Variants in CSMD3 observed in about 807,000 individuals in gnomAD.
CSMD3 encodes the protein CUB and sushi domain-containing protein 3.
A neutral mutation model predicts 435.2 loss-of-function variants in CSMD3; 177 were observed. That is an observed-to-expected ratio of 0.41 (90% CI 0.36 to 0.46). The LOEUF is 0.46. Ranked by LOEUF, CSMD3 falls within the 20% of genes least tolerant of loss-of-function variation. The probability of loss-of-function intolerance (pLI) is 0.34; values close to 1 mark genes in which losing one functional copy is unlikely to be tolerated. For missense variants in CSMD3, 4,265 were observed against 4,504.6 expected, an observed-to-expected ratio of 0.95 and a Z score of 1.52; for synonymous variants, 1,656 against 1,520.5, an observed-to-expected ratio of 1.09 and a Z score of -2.07.
At chr8:112,624,865 G>A (rs1050548596) in intron 22 of CSMD3, among the ~76,000 whole-genome samples, 1 of 151,814 alleles carries the variant, frequency 6.6e-6, no homozygotes, top group African/African-American at 2.4e-5. Flanking sequence ...ACTCACAAAT[G>A]AGATGCCCAT....
At chr8:113,175,960 G>T (rs1461397812) in intron 3 of CSMD3, among the ~76,000 whole-genome samples, 1 of 152,002 alleles carries the variant, frequency 6.6e-6, no homozygotes, top group Non-Finnish European at 1.5e-5. Flanking sequence ...ATAGTTTTTG[G>T]ACTCCAAATT....
At chr8:113,294,452 G>A (rs545388841) in intron 2 of CSMD3, among the ~76,000 whole-genome samples, 6 of 152,102 alleles carry the variant, frequency 3.9e-5, no homozygotes, top group Admixed American at 1.3e-4. Context: ...TAAATTTCTC[G>A]TTAAAGGCCA....
At chr8:112,526,306 C>T (rs1246141957) in intron 27 of CSMD3, among the ~76,000 whole-genome samples, 1 of 151,922 alleles carries the variant, frequency 6.6e-6, no homozygotes, top group East Asian at 1.9e-4. Context: ...CCAAACCTTT[C>T]TAGGACTTAT....
At chr8:112,887,927 T>C (rs2081657395) in intron 10 of CSMD3, among the ~76,000 whole-genome samples, 2 of 151,718 alleles carry the variant, frequency 1.3e-5, no homozygotes, top group African/African-American at 2.4e-5. Flanking sequence ...AATGCCTTCC[T>C]GGGTGGGAAG....
intron 37 of CSMD3, 67 bp downstream of exon 37, chr8:112,383,500 G>A: frequency 1.2e-6 from 1 of 867,490 alleles, no homozygotes; most frequent in Non-Finnish European, 1.9e-6. Context: ...GTTGTAGATA[G>A]CTCTTTAATT....
At chr8:112,929,232 T>TG (rs1413471309) in intron 9 of CSMD3, among the ~76,000 whole-genome samples, 2 of 87,036 alleles carry the variant, frequency 2.3e-5, no homozygotes, top group Non-Finnish European at 4.3e-5. Context: ...TCCCATGGGG[T>TG]GGGGGGAGGG....
At chr8:112,787,210 T>C (rs1227926110) in intron 13 of CSMD3, among the ~76,000 whole-genome samples, 1 of 152,134 alleles carries the variant, frequency 6.6e-6, no homozygotes, top group African/African-American at 2.4e-5. Flanking sequence ...GCATGTGTCT[T>C]TATAGTAGAA....
intron 3 of CSMD3, among the ~76,000 whole-genome samples, chr8:113,268,144 T>C (rs2093487638): frequency 6.6e-6 from 1 of 151,744 alleles, no homozygotes; most frequent in Admixed American, 6.6e-5. Context: ...TTAAAAGGAT[T>C]CTATATTACA....
chr8:112,468,888 A>C (rs1352656156), intron 32 of CSMD3, among the ~76,000 whole-genome samples: 1 of 152,084 alleles, frequency 6.6e-6, no homozygotes, highest in Non-Finnish European at 1.5e-5. Context: ...AACAAGTAGA[A>C]TCCTGCAGGA....
chr8:112,796,650 C>T (rs7004983), intron 13 of CSMD3, among the ~76,000 whole-genome samples: 126,179 of 151,904 alleles, frequency 0.83, 52,532 homozygotes, highest in East Asian at 0.91. Context: ...CTGATTAATA[C>T]GCATTTGGAA....
chr8:112,350,717 T>C (rs1826064573), intron 40 of CSMD3, among the ~76,000 whole-genome samples: 1 of 152,046 alleles, frequency 6.6e-6, no homozygotes, highest in Admixed American at 6.5e-5. Context: ...AGTACCCAAG[T>C]TTCCTTTTAA....
At chr8:112,814,877 A>G (rs1587374651) in intron 12 of CSMD3, among the ~76,000 whole-genome samples, 2 of 152,164 alleles carry the variant, frequency 1.3e-5, no homozygotes, top group East Asian at 3.9e-4. Flanking sequence ...CTGACTTTCT[A>G]TAATCACTCA....
At chr8:112,828,120 A>G (rs2079754154) in intron 12 of CSMD3, among the ~76,000 whole-genome samples, 1 of 152,230 alleles carries the variant, frequency 6.6e-6, no homozygotes, top group Non-Finnish European at 1.5e-5. Context: ...TATCAGGTAT[A>G]AAACTACAAT....
chr8:112,696,319 A>G (rs9650046), intron 13 of CSMD3, among the ~76,000 whole-genome samples: 57,398 of 151,850 alleles, frequency 0.38, 12,194 homozygotes, highest in African/African-American at 0.58. Context: ...ACCTGACTTC[A>G]AACTATACTA....
intron 13 of CSMD3, among the ~76,000 whole-genome samples, chr8:112,774,898 G>T (rs1172028775): frequency 6.6e-6 from 1 of 151,904 alleles, no homozygotes; most frequent in African/African-American, 2.4e-5. Flanking sequence ...TTCCTCTGAT[G>T]ACTTCCTAAG....
At chr8:113,107,036 T>C (rs146351196) in intron 4 of CSMD3, among the ~76,000 whole-genome samples, 345 of 152,340 alleles carry the variant, frequency 2.3e-3, no homozygotes, top group African/African-American at 7.8e-3. Context: ...AATTCACCTA[T>C]GCTCCCTTCC....
chr8:113,167,902 G>T (rs1475686209), intron 4 of CSMD3, among the ~76,000 whole-genome samples: 1 of 152,176 alleles, frequency 6.6e-6, no homozygotes, highest in African/African-American at 2.4e-5. Context: ...AAATAATATT[G>T]CTCAGATACT....
chr8:112,664,126 A>G (rs905510840), intron 17 of CSMD3, among the ~76,000 whole-genome samples: 1 of 152,200 alleles, frequency 6.6e-6, no homozygotes, highest in African/African-American at 2.4e-5. Flanking sequence ...CTGATACAAA[A>G]TAATGTTTAG....
chr8:113,114,659 G>C lies in CSMD3; in HGVS notation c.710-15696C>G, dbSNP rs369806783. On this transcript the variant is annotated intron_variant, in intron 4 of 70. Transcript: ENST00000297405. ...GCATCACCTGGAGGACTTTTAAAAA[G>C]CATCCTACTGTAGACCCCATTATTA... Among the ~76,000 whole-genome samples, 47 of 152,164 alleles carry C rather than the reference G, an allele frequency of 3.1e-4. No individual in the cohort carries two copies. The East Asian group carries it at 8.7e-3, about 28-fold the overall frequency.
Sources: allele counts gnomAD v4.1 joint callset (sites outside exome capture counted in the v4.1 genomes callset), GRCh38; gene constraint gnomAD v4.1.1; transcripts MANE v1.5; gene names NCBI Gene and HGNC (gene_info 2026-07-23, HGNC 2026-07-21).